The following SGCZ variants were observed in gnomAD, a reference collection of about 807,000 sequenced individuals.
The protein encoded by SGCZ is zeta-sarcoglycan.
A neutral mutation model predicts 41.3 loss-of-function variants in SGCZ; 40 were observed. The observed-to-expected ratio is 0.97, with a 90% confidence interval of 0.75 to 1.26. The LOEUF (loss-of-function observed/expected upper bound fraction) is 1.26, where lower values mean the gene tolerates loss of function less well. SGCZ is among the 50% of genes most tolerant of loss of function. The pLI is 0.00. For synonymous variants in SGCZ, 206 were observed against 137.5 expected (o/e 1.50, Z -3.49); for missense variants, 552 against 369.8 (o/e 1.49, Z -4.04).
chr8:14,520,870 A>G (rs931535828), intron 2 of SGCZ, among the ~76,000 whole-genome samples: 1 of 152,162 alleles, frequency 6.6e-6, no homozygotes. Flanking sequence ...TTTAGGATGT[A>G]CTTAAAAAAA....
In SGCZ at chr8:14,894,307, C is replaced by T. The variant is rs1805118522; in HGVS notation, c.40-339381G>A. 1.3e-5 allele frequency among the ~76,000 whole-genome samples: 2 copies of T among 151,994 alleles called. 1 individual carries two copies. Among genetic ancestry groups the T allele is most frequent in the Admixed American group, 1.3e-4 (2 of 15,248 alleles). Reference sequence around the variant, plus strand: ...TTCTCCCATAACCTCTCTCAGTTGACTTTTGAAGAGCACACTTCTAAAATA... The same window carrying T: ...TTCTCCCATAACCTCTCTCAGTTGATTTTTGAAGAGCACACTTCTAAAATA... On this transcript the variant is annotated intron_variant, in intron 1 of 7. Transcript: ENST00000382080.
At chr8:14,831,654 A>G (rs889617768) in intron 1 of SGCZ, among the ~76,000 whole-genome samples, 14 of 152,006 alleles carry the variant, frequency 9.2e-5, no homozygotes, top group Admixed American at 6.6e-5. Context: ...GTATATATAT[A>G]TATATACATA....
intron 2 of SGCZ, among the ~76,000 whole-genome samples, chr8:14,440,591 A>T (rs1563330698): frequency 6.6e-6 from 1 of 152,076 alleles, no homozygotes; most frequent in Non-Finnish European, 1.5e-5. Context: ...CCTATGTGTA[A>T]TTGTTAAAAT....
intron 1 of SGCZ, among the ~76,000 whole-genome samples, chr8:15,194,350 G>T (rs1191153146): frequency 6.6e-6 from 1 of 152,064 alleles, no homozygotes; most frequent in African/African-American, 2.4e-5. Flanking sequence ...TATATTAAAG[G>T]TCAGGTAGAT....
At chr8:15,129,351 C>T (rs1807816023) in intron 1 of SGCZ, among the ~76,000 whole-genome samples, 1 of 152,172 alleles carries the variant, frequency 6.6e-6, no homozygotes, top group Non-Finnish European at 1.5e-5. Context: ...AGAGTCTATG[C>T]ACCACAAGTT....
At chr8:14,474,926 C>A (rs1801315416) in intron 2 of SGCZ, among the ~76,000 whole-genome samples, 1 of 152,116 alleles carries the variant, frequency 6.6e-6, no homozygotes, top group South Asian at 2.1e-4. Context: ...TAAAGCCATT[C>A]TTTGGATGTC....
intron 4 of SGCZ, among the ~76,000 whole-genome samples, chr8:14,185,224 AC>A (rs1804864099): frequency 6.6e-6 from 1 of 151,882 alleles, no homozygotes; most frequent in African/African-American, 2.4e-5. Flanking sequence ...ACATGGTGAA[AC>A]CCTATCCCTA....
At chr8:14,591,493 C>A (rs1419845783) in intron 1 of SGCZ, among the ~76,000 whole-genome samples, 1 of 151,862 alleles carries the variant, frequency 6.6e-6, no homozygotes, top group Non-Finnish European at 1.5e-5. Context: ...CTGATCAAAA[C>A]CTAGAAAAGA....
At chr8:14,524,186 G>C (rs1047470918) in intron 2 of SGCZ, among the ~76,000 whole-genome samples, 1 of 151,256 alleles carries the variant, frequency 6.6e-6, no homozygotes, top group African/African-American at 2.4e-5. Context: ...TATGTTATTG[G>C]CTACAAGGCT....
At chr8:15,004,839 G>A (rs954930521) in intron 1 of SGCZ, among the ~76,000 whole-genome samples, 2 of 152,108 alleles carry the variant, frequency 1.3e-5, no homozygotes, top group Admixed American at 6.5e-5. Context: ...TGACAATGAG[G>A]GTTCCCAAGT....
At chr8:14,548,478 G>T (rs1285433119) in intron 2 of SGCZ, among the ~76,000 whole-genome samples, 1 of 152,068 alleles carries the variant, frequency 6.6e-6, no homozygotes, top group Non-Finnish European at 1.5e-5. Flanking sequence ...TTAGTTGTGG[G>T]TTTTTGAGAA....
intron 1 of SGCZ, among the ~76,000 whole-genome samples, chr8:15,164,262 G>C (rs1799590855): frequency 6.6e-6 from 1 of 152,138 alleles, no homozygotes; most frequent in Non-Finnish European, 1.5e-5. Flanking sequence ...TCTCACTGTT[G>C]CTTCTACGCC....
At chr8:15,233,768 A>C (rs1461107652) in intron 1 of SGCZ, among the ~76,000 whole-genome samples, 2 of 152,158 alleles carry the variant, frequency 1.3e-5, no homozygotes, top group Non-Finnish European at 2.9e-5. Context: ...ATATTCCAGA[A>C]GCATACCGTT....
At chr8:14,742,327 A>G (rs559726842) in intron 1 of SGCZ, among the ~76,000 whole-genome samples, 1 of 152,014 alleles carries the variant, frequency 6.6e-6, no homozygotes, top group Non-Finnish European at 1.5e-5. Flanking sequence ...ACACACACAC[A>G]CCTCAGCAAC....
intron 3 of SGCZ, among the ~76,000 whole-genome samples, chr8:14,264,531 TG>T (rs1443962732): frequency 6.6e-6 from 1 of 152,122 alleles, no homozygotes; most frequent in Non-Finnish European, 1.5e-5. Flanking sequence ...GTGCTGAACA[TG>T]GGGCAACACA....
At chr8:14,702,993 A>T (rs1809219105) in intron 1 of SGCZ, among the ~76,000 whole-genome samples, 1 of 151,822 alleles carries the variant, frequency 6.6e-6, no homozygotes, top group Non-Finnish European at 1.5e-5. Flanking sequence ...AGACAGATAG[A>T]TTTATTTGAA....
intron 4 of SGCZ, among the ~76,000 whole-genome samples, chr8:14,237,289 A>T (rs6530736): frequency 3.9e-5 from 6 of 152,144 alleles, no homozygotes; most frequent in South Asian, 2.1e-4. Context: ...GCCTATGACA[A>T]GTCAAATCAT....
At chr8:14,349,372 C>A (rs2117100160) in intron 2 of SGCZ, among the ~76,000 whole-genome samples, 1 of 152,132 alleles carries the variant, frequency 6.6e-6, no homozygotes, top group Non-Finnish European at 1.5e-5. Flanking sequence ...GTTGTGCTCC[C>A]CTTTTATAGT....
intron 3 of SGCZ, among the ~76,000 whole-genome samples, chr8:14,282,211 C>A (rs1257837493): frequency 6.6e-6 from 1 of 151,936 alleles, no homozygotes; most frequent in Non-Finnish European, 1.5e-5. Context: ...ATAGACTAAC[C>A]CTTAAGAATA....
Sources: gnomAD v4.1 joint callset for allele counts (sites outside exome capture counted in the v4.1 genomes callset) on GRCh38, gnomAD v4.1.1 for gene constraint, MANE v1.5 for transcripts, NCBI Gene and HGNC (gene_info 2026-07-23, HGNC 2026-07-21) for gene names.